The following TG variants were observed in gnomAD, a reference collection of about 807,000 sequenced individuals.
TG encodes the protein thyroglobulin.
In TG, 270 loss-of-function variants were observed where a neutral mutation model predicts 324.7. The ratio of observed to expected loss-of-function variants is 0.83; its 90% CI spans 0.75 to 0.92. The LOEUF is 0.92. Among genes scored for constraint, TG ranks in the 40% least tolerant of loss-of-function variants. The pLI is 0.00. For missense variants in TG, 3,591 were observed against 3,456.4 expected, an observed-to-expected ratio of 1.04 and a Z score of -0.98; for synonymous variants, 1,401 against 1,327.0, an observed-to-expected ratio of 1.06 and a Z score of -1.21.
At chr8:133,090,520 C>T (rs1847325573) in intron 41 of TG, among the ~76,000 whole-genome samples, 1 of 152,194 alleles carries the variant, frequency 6.6e-6, no homozygotes, top group African/African-American at 2.4e-5. Flanking sequence ...AGGCACTTTC[C>T]CCCAAGTCAG....
At chr8:133,078,971 C>T (rs1305856593) in intron 41 of TG, among the ~76,000 whole-genome samples, 1 of 152,118 alleles carries the variant, frequency 6.6e-6, no homozygotes, top group Non-Finnish European at 1.5e-5. Flanking sequence ...GTAGAGGAGA[C>T]CAAGAAACCT....
chr8:133,096,610 G>A (rs1848454416), intron 43 of TG, among the ~76,000 whole-genome samples: 1 of 152,164 alleles, frequency 6.6e-6, no homozygotes, highest in Non-Finnish European at 1.5e-5. Context: ...GTGGAAAACT[G>A]GAGCTGACCC....
At chr8:132,982,481 G>A (rs936045129) in intron 34 of TG, among the ~76,000 whole-genome samples, 2 of 152,212 alleles carry the variant, frequency 1.3e-5, no homozygotes, top group Non-Finnish European at 2.9e-5. Flanking sequence ...TTCATTTAAT[G>A]TTTACATCAT....
At position 132,882,220 on chromosome 8, in the gene TG, C is replaced by G. The variant is rs566847564; in HGVS notation, c.746-249C>G. Among the ~76,000 whole-genome samples the G allele has an allele frequency of 1.2e-4, 19 of 152,334 alleles. No homozygotes were observed. The East Asian group carries it at 3.7e-3, about 29-fold the overall frequency. On this transcript the variant is annotated intron_variant, in intron 6 of 47. Coordinates refer to ENST00000220616, the MANE Select transcript of TG (RefSeq NM_003235.5). Reference sequence around the variant, plus strand: ...GCCCCGCTCTGGGCAGATGCAGCCCCGAAATTGGCGAGTGGAGCACAGGAT... The same window carrying G: ...GCCCCGCTCTGGGCAGATGCAGCCCGGAAATTGGCGAGTGGAGCACAGGAT...
At position 132,901,470 on chromosome 8, in the gene TG, C is replaced by T; in HGVS notation, c.3551C>T (p.Ala1184Val). Residue 1184 changes from alanine to valine, a missense_variant, in exon 16 of 48, where the codon GCC (alanine) becomes GTC (valine). Transcript: ENST00000220616. ...TTTTCCCCAGTGCAATGTGACCAGG[C>T]CCAGGGCAGCTGCTGGTGTGTCATG... Reference protein sequence around the residue: ...GGFSPVQCDQAQGSCWCVMDS... With the variant: ...GGFSPVQCDQVQGSCWCVMDS... The T allele has an allele frequency of 1.2e-6, 2 of 1,614,194 alleles. No individual in the cohort carries two copies. The highest frequency in any genetic ancestry group is 3.3e-4 in the Middle Eastern group (2 of 6,062).
intron 41 of TG, chr8:133,049,001 T>C: frequency 2.9e-6 from 1 of 346,616 alleles, no homozygotes; most frequent in South Asian, 2.2e-5. Context: ...CCATTTCCAA[T>C]GTGCTTTGCA....
intron 22 of TG, among the ~76,000 whole-genome samples, chr8:132,927,804 A>G (rs1443026841): frequency 6.6e-6 from 1 of 152,224 alleles, no homozygotes; most frequent in East Asian, 1.9e-4. Context: ...GTCTGTACCA[A>G]TCAAGACTTA....
At position 133,019,693 on chromosome 8, in the gene TG, G is replaced by A. The variant is rs114404536; in HGVS notation, c.6874G>A (p.Val2292Met). The change falls in exon 39 of 48, where the codon GTG becomes ATG. Residue 2292 changes from valine to methionine, a missense_variant and splice_region_variant. Physicochemically the swap from Val to Met is conservative, Grantham distance 21. Transcript: ENST00000220616. ...LYLNVFIPQN[V>M]APNASVLVFF... Reference sequence around the variant, plus strand: ...TCTCAATGTGTTCATCCCTCAGAATGTGGTGAGTTCAAAAGCACTTGCTAT... The same window carrying A: ...TCTCAATGTGTTCATCCCTCAGAATATGGTGAGTTCAAAAGCACTTGCTAT... The A allele has an allele frequency of 6.2e-7, 1 of 1,612,634 alleles. No homozygotes were observed. The highest frequency in any genetic ancestry group is 2.2e-5 in the East Asian group (1 of 44,820).
chr8:132,868,398 C>T (rs1183700372), intron 2 of TG, 175 bp downstream of exon 2: 5 of 680,782 alleles, frequency 7.3e-6, no homozygotes, highest in Non-Finnish European at 1.3e-5. Context: ...AGGTGCCTGC[C>T]TTTCAGTTCC....
At chr8:133,110,949 A>G (rs1850202429) in intron 43 of TG, among the ~76,000 whole-genome samples, 1 of 152,226 alleles carries the variant, frequency 6.6e-6, no homozygotes, top group Non-Finnish European at 1.5e-5. Flanking sequence ...TCATCTTCAC[A>G]GGAGACAAAA....
intron 41 of TG, among the ~76,000 whole-genome samples, chr8:133,081,736 C>A (rs1161787202): frequency 2.6e-5 from 4 of 152,190 alleles, no homozygotes; most frequent in Admixed American, 6.5e-5. Context: ...CTGTTCTCAG[C>A]CATGCAAGGG....
At chr8:133,084,035 G>A (rs1846132688) in intron 41 of TG, among the ~76,000 whole-genome samples, 1 of 152,134 alleles carries the variant, frequency 6.6e-6, no homozygotes. Context: ...TGCTCATGAG[G>A]CCATTCCCAC....
chr8:132,976,329 A>G (rs944501002), intron 34 of TG, among the ~76,000 whole-genome samples: 1 of 152,222 alleles, frequency 6.6e-6, no homozygotes, highest in African/African-American at 2.4e-5. Flanking sequence ...GTAGAAGAGC[A>G]AAGAAAAGAA....
chr8:132,870,177 T>C (rs972239016), intron 3 of TG, among the ~76,000 whole-genome samples: 1 of 151,904 alleles, frequency 6.6e-6, no homozygotes, highest in Admixed American at 6.6e-5. Context: ...ATTTAAGACT[T>C]GGGTCAAAGC....
At chr8:132,980,097 T>C (rs975516022) in intron 34 of TG, among the ~76,000 whole-genome samples, 2 of 151,984 alleles carry the variant, frequency 1.3e-5, no homozygotes, top group African/African-American at 4.8e-5. Context: ...GGAAGGAGCC[T>C]CTAAGTCAAG....
At chr8:133,026,799 C>A (rs975207041) in intron 40 of TG, among the ~76,000 whole-genome samples, 10 of 152,194 alleles carry the variant, frequency 6.6e-5, no homozygotes, top group African/African-American at 1.2e-4. Context: ...AGTGGGTGCC[C>A]CCTCACAGGC....
intron 40 of TG, among the ~76,000 whole-genome samples, chr8:133,029,059 G>C (rs772721181): frequency 2.6e-4 from 39 of 152,144 alleles, no homozygotes; most frequent in Non-Finnish European, 4.4e-4. Flanking sequence ...CCTCAGATGA[G>C]ACAAGAATGA....
At chr8:132,990,093 G>A (rs147852584) in intron 35 of TG, among the ~76,000 whole-genome samples, 72 of 151,672 alleles carry the variant, frequency 4.7e-4, no homozygotes, top group Middle Eastern at 3.4e-3. Flanking sequence ...TACAGAGGAG[G>A]AAACTGAGGC....
chr8:132,935,773 G>A lies in TG; in HGVS notation c.4950G>A (p.Gly1650=). The change falls in exon 25 of 48, where the codon GGG becomes GGA. Residue 1650 remains glycine (G), a synonymous_variant. Coordinates refer to ENST00000220616, the MANE Select transcript of TG (RefSeq NM_003235.5). Reference sequence around the variant, plus strand: ...ATCTCCAGAAACGAGATGCACTGGGGAACTCAAAGGCCACCAGCTTTGGAA... The same window carrying A: ...ATCTCCAGAAACGAGATGCACTGGGAAACTCAAAGGCCACCAGCTTTGGAA... The part of the protein sequence containing the change: ...MTSDQKRDAL[G]NSKATSFGSL... The A allele has an allele frequency of 6.2e-7, 1 of 1,612,950 alleles. No individual in the cohort carries two copies. The highest frequency in any genetic ancestry group is 8.5e-7 in the Non-Finnish European group (1 of 1,179,974).
Sources: gnomAD v4.1 joint callset for allele counts (sites outside exome capture counted in the v4.1 genomes callset) on GRCh38, gnomAD v4.1.1 for gene constraint, MANE v1.5 for transcripts, NCBI Gene and HGNC (gene_info 2026-07-23, HGNC 2026-07-21) for gene names.